NOL7: variants seen among roughly 807,000 people sequenced by gnomAD.
The protein encoded by NOL7 is U3 small nucleolar RNA-associated protein NOL7.
NOL7 carries 36 observed loss-of-function variants against 38.4 expected under a neutral mutation model. The observed-to-expected ratio is 0.94, with a 90% CI of 0.72 to 1.24. The LOEUF is 1.24. Ranked by LOEUF, NOL7 falls within the 50% of genes most tolerant of loss-of-function variation. The pLI is 0.00. For missense variants in NOL7, 350 were observed against 315.1 expected (o/e 1.11, Z -0.84); for synonymous variants, 142 against 126.5 (o/e 1.12, Z -0.82).
Position 13,620,768 on chromosome 6 carries a change from CAA to C in NOL7, c.718_719del (p.Asn240CysfsTer5). The C allele has an allele frequency of 6.3e-7, 1 of 1,594,724 alleles. No homozygotes were observed. Among genetic ancestry groups the C allele is most frequent in the Non-Finnish European group, 8.5e-7 (1 of 1,171,842 alleles). On this transcript the variant is annotated frameshift_variant, in exon 8 of 8. Transcript: ENST00000451315. LOFTEE classifies it high-confidence loss of function. ...LNNAWGIQKK[Q>X]NAKRFKRRWM... ...TTATATTCTAGGAATCCAAAAAAAA[CAA>C]AATGCCAAGAGGTTTAAAAGACGGT... is the stretch of plus-strand genomic sequence containing the variant.
At chr6:13,617,907 C>A in intron 4 of NOL7, 106 bp downstream of exon 4, 2 of 1,182,754 alleles carry the variant, frequency 1.7e-6, no homozygotes, top group Non-Finnish European at 2.5e-6. Flanking sequence ...ATGGGCCTGG[C>A]CAAGGTTAGC....
At chr6:13,632,263 G>A (rs575599343) in intron 8 of NOL7, 58 of 1,121,446 alleles carry the variant, frequency 5.2e-5, no homozygotes, top group Middle Eastern at 5.7e-4. Flanking sequence ...GGAAGGTCAG[G>A]TCCCAGTTCC....
rs1176551315 is a variant in NOL7 at position 13,618,149 on chromosome 6, CTT to C, written c.500+13_500+14del. On this transcript the variant is annotated intron_variant, in intron 5 of 7. Coordinates refer to ENST00000451315, the MANE Select transcript of NOL7 (RefSeq NM_016167.5). ...AAGTACAGTCTGTCAGGTAATGAGT[CTT>C]TTGTTTCATTTGGGATGTAAAGGAG... The C allele has an allele frequency of 6.7e-7, 1 of 1,494,580 alleles. No homozygotes were observed. Among genetic ancestry groups the C allele is most frequent in the Non-Finnish European group, 9.3e-7 (1 of 1,079,882 alleles). The allele number at this position is 1,494,580 out of a possible 1,614,324, so 92.6% of individuals were successfully genotyped here.
chr6:13,620,723 T>C (rs765139400), intron 7 of NOL7, 31 bp from the exon 8 acceptor site: 8 of 1,419,696 alleles, frequency 5.6e-6, no homozygotes, highest in Non-Finnish European at 6.8e-6. Flanking sequence ...GTTTTTCTAA[T>C]ATACTTACTG....
At chr6:13,622,771 G>GCT (rs1201332355), downstream of NOL7, among the ~76,000 whole-genome samples, 6 of 152,162 alleles carry the variant, frequency 3.9e-5, no homozygotes, top group Non-Finnish European at 7.4e-5. Flanking sequence ...TAACTATGAT[G>GCT]GGAAAGGTAC....
intron 8 of NOL7, among the ~76,000 whole-genome samples, chr6:13,629,420 T>C (rs1466121444): frequency 1.3e-5 from 2 of 152,212 alleles, no homozygotes; most frequent in Non-Finnish European, 2.9e-5. Flanking sequence ...GGCACAAAAC[T>C]GAAAATACCT....
rs1764436531 is a variant in NOL7 at position 13,621,269 on chromosome 6, T to G, written c.*442T>G. 6.5e-6 allele frequency: 1 copy of G among 152,826 alleles called. No homozygotes were observed. The highest frequency in any genetic ancestry group is 2.1e-4 in the South Asian group (1 of 4,872). 9.5% of individuals were successfully genotyped at this position (152,826 alleles called of 1,614,324 possible). A position where few individuals can be genotyped will look rare whatever the true frequency, so the allele number is the denominator to read the frequency against. On this transcript the variant is annotated 3_prime_UTR_variant, in exon 8 of 8. Coordinates refer to ENST00000451315, the MANE Select transcript of NOL7 (RefSeq NM_016167.5). Reference sequence around the variant, plus strand: ...GGATTTGCTTGCCTGGTGAGTCTCATATGCCATATTATGAATATGAAAATA... The same window carrying G: ...GGATTTGCTTGCCTGGTGAGTCTCAGATGCCATATTATGAATATGAAAATA...
At position 13,621,470 on chromosome 6, in the gene NOL7, C is replaced by G. The variant is rs1479268506; in HGVS notation, c.*643C>G. The G allele has an allele frequency of 1.3e-5, 2 of 152,282 alleles. No individual in the cohort carries two copies. Among genetic ancestry groups the G allele is most frequent in the African/African-American group, 4.9e-5 (2 of 41,228 alleles). 9.4% of individuals were successfully genotyped at this position (152,282 alleles called of 1,614,324 possible). On this transcript the variant is annotated 3_prime_UTR_variant, in exon 8 of 8. Coordinates refer to ENST00000451315, the MANE Select transcript of NOL7 (RefSeq NM_016167.5). ...GTAATCATAAAAAGTATGCAAGTAC[C>G]TAATATATAAACTCAATTGACACTG...
chr6:13,623,687 C>G (rs776069936), downstream of NOL7, among the ~76,000 whole-genome samples: 1 of 152,074 alleles, frequency 6.6e-6, no homozygotes, highest in African/African-American at 2.4e-5. Flanking sequence ...TTTCATAACA[C>G]TATATAGATG....
At chr6:13,619,640 CTT>C (rs889344919) in intron 5 of NOL7, among the ~76,000 whole-genome samples, 6 of 152,136 alleles carry the variant, frequency 3.9e-5, no homozygotes, top group African/African-American at 7.2e-5. Flanking sequence ...AATGTTTTGA[CTT>C]TTGGTTTTAG....
chr6:13,619,827 T>C (rs984029224), intron 5 of NOL7, among the ~76,000 whole-genome samples: 7 of 152,248 alleles, frequency 4.6e-5, no homozygotes, highest in African/African-American at 1.7e-4. Flanking sequence ...ATTAGTTTCA[T>C]TTATCACTAT....
At chr6:13,618,846 GTGCCAC>G (rs1273260400) in intron 5 of NOL7, among the ~76,000 whole-genome samples, 1 of 152,144 alleles carries the variant, frequency 6.6e-6, no homozygotes, top group East Asian at 1.9e-4. Flanking sequence ...AGGCGAGATT[GTGCCAC>G]TGCACTACAG....
At chr6:13,616,368 T>C in intron 2 of NOL7, 95 bp from the exon 3 acceptor site, 1 of 795,710 alleles carries the variant, frequency 1.3e-6, no homozygotes, top group East Asian at 2.6e-5. Context: ...TTTGCCTAGA[T>C]GTAGGGCATT....
At position 13,615,388 on chromosome 6, in the gene NOL7, C is replaced by T. The variant is rs11540718; in HGVS notation, c.30C>T (p.Arg10=). The T allele has an allele frequency of 1.2e-5, 19 of 1,523,762 alleles. No individual in the cohort carries two copies. The highest frequency in any genetic ancestry group is 2.5e-5 in the South Asian group (2 of 79,382). 94.4% of individuals were successfully genotyped at this position (1,523,762 alleles called of 1,614,324 possible). The change falls in exon 1 of 8, where the codon CGC becomes CGT. Residue 10 remains arginine (R), a synonymous_variant. Coordinates refer to ENST00000451315, the MANE Select transcript of NOL7 (RefSeq NM_016167.5). The stretch of plus-strand genomic sequence containing the variant: ...TGCAGCTCCGACCGCGAGCGTCTCG[C>T]GCCCCGGCGTCGGCGGAGGCGATGG... The part of the protein sequence containing the change: MVQLRPRAS[R]APASAEAMVD...
At chr6:13,622,300 G>A, downstream of NOL7, 7 of 1,384,792 alleles carry the variant, frequency 5.1e-6, no homozygotes, top group Non-Finnish European at 6.6e-6. Flanking sequence ...AATCAGCAGA[G>A]CTGGTCTACT....
chr6:13,625,612 G>T, downstream of NOL7: 1 of 1,431,992 alleles, frequency 7.0e-7, no homozygotes, highest in South Asian at 1.2e-5. Context: ...TAAATTTTCA[G>T]AGAATCTAAC....
downstream of NOL7, chr6:13,622,497 G>C: frequency 6.5e-7 from 1 of 1,549,724 alleles, no homozygotes; most frequent in Non-Finnish European, 8.7e-7. Flanking sequence ...GGGTTTCTGA[G>C]GAAAAATAAT....
At chr6:13,617,991 A>T in intron 4 of NOL7, 67 bp from the exon 5 acceptor site, 1 of 1,019,652 alleles carries the variant, frequency 9.8e-7, no homozygotes, top group South Asian at 1.3e-5. Context: ...CTTAAAGTGA[A>T]CTCCAGTAAA....
chr6:13,630,454 G>A (rs1164867735), intron 8 of NOL7, among the ~76,000 whole-genome samples: 2 of 150,888 alleles, frequency 1.3e-5, no homozygotes, highest in Non-Finnish European at 2.9e-5. Context: ...TGCTCAATTA[G>A]CATAAAGTTT....
Sources: allele counts gnomAD v4.1 joint callset (sites outside exome capture counted in the v4.1 genomes callset), GRCh38; gene constraint gnomAD v4.1.1; transcripts MANE v1.5; gene names NCBI Gene and HGNC (gene_info 2026-07-23, HGNC 2026-07-21).